DDX10: variants seen among roughly 807,000 people sequenced by gnomAD.
DDX10 encodes probable ATP-dependent RNA helicase DDX10.
Under a neutral mutation model 104.3 loss-of-function variants are expected in DDX10, and 74 were observed. That is an observed-to-expected ratio of 0.71 (90% confidence interval 0.59 to 0.86). The LOEUF is 0.86. Ranked by LOEUF, DDX10 falls within the 40% of genes least tolerant of loss-of-function variation. DDX10 has a pLI of 0.00. For synonymous variants in DDX10, 351 were observed against 353.4 expected (o/e 0.99, Z 0.08); for missense variants, 952 against 1,040.0 (o/e 0.92, Z 1.16).
At chr11:108,672,670 T>C (rs763611844) in intron 1 of DDX10, among the ~76,000 whole-genome samples, 2 of 152,250 alleles carry the variant, frequency 1.3e-5, no homozygotes, top group Non-Finnish European at 2.9e-5. Flanking sequence ...ACCATACAAA[T>C]GCAGCTTTTT....
At chr11:108,917,340 G>C (rs1297925144) in intron 16 of DDX10, among the ~76,000 whole-genome samples, 1 of 152,056 alleles carries the variant, frequency 6.6e-6, no homozygotes, top group African/African-American at 2.4e-5. Flanking sequence ...ATTTTTGGTA[G>C]TTTTGAAACT....
intron 15 of DDX10, among the ~76,000 whole-genome samples, chr11:108,850,677 G>A (rs1343415101): frequency 2.0e-5 from 3 of 152,126 alleles, no homozygotes; most frequent in African/African-American, 7.2e-5. Flanking sequence ...GAAAGAATTG[G>A]CAACATTTGT....
At chr11:108,836,167 A>G (rs1862552643) in intron 13 of DDX10, among the ~76,000 whole-genome samples, 1 of 152,208 alleles carries the variant, frequency 6.6e-6, no homozygotes, top group Non-Finnish European at 1.5e-5. Flanking sequence ...CTCAGAGGCA[A>G]TTAATCTTTT....
chr11:108,799,043 C>T (rs1861983304), intron 13 of DDX10, among the ~76,000 whole-genome samples: 1 of 152,034 alleles, frequency 6.6e-6, no homozygotes, highest in South Asian at 2.1e-4. Flanking sequence ...AGTTCAGGCT[C>T]TAATTTGGAT....
chr11:108,845,675 C>G (rs963001612), intron 15 of DDX10, among the ~76,000 whole-genome samples: 1 of 152,044 alleles, frequency 6.6e-6, no homozygotes, highest in Non-Finnish European at 1.5e-5. Context: ...AAAAAAACTT[C>G]GTAAAACCTA....
intron 13 of DDX10, among the ~76,000 whole-genome samples, chr11:108,806,348 G>GT (rs1387667437): frequency 6.6e-6 from 1 of 152,198 alleles, no homozygotes; most frequent in African/African-American, 2.4e-5. Flanking sequence ...TTAGAAGTAT[G>GT]TTTGATACTG....
chr11:108,839,113 C>T (rs1304773221), intron 14 of DDX10, among the ~76,000 whole-genome samples: 5 of 152,168 alleles, frequency 3.3e-5, no homozygotes, highest in African/African-American at 1.2e-4. Context: ...TTACCACTCA[C>T]AGGTTACTCA....
At chr11:108,759,026 TG>T (rs1161271223) in intron 13 of DDX10, among the ~76,000 whole-genome samples, 4 of 152,172 alleles carry the variant, frequency 2.6e-5, no homozygotes, top group Non-Finnish European at 5.9e-5. Context: ...TGTTAGCTTT[TG>T]TATCTATGCT....
intron 13 of DDX10, among the ~76,000 whole-genome samples, chr11:108,828,689 A>G (rs1490971716): frequency 2.0e-5 from 3 of 152,240 alleles, no homozygotes; most frequent in Non-Finnish European, 2.9e-5. Flanking sequence ...CAGTGGCACA[A>G]TCCTGGCTCA....
chr11:108,695,768 T>TG (rs1225021039), intron 9 of DDX10, among the ~76,000 whole-genome samples: 7 of 151,928 alleles, frequency 4.6e-5, no homozygotes, highest in Non-Finnish European at 7.4e-5. Context: ...GTGTTTTTTT[T>TG]TTTTGTTTTT....
chr11:108,783,641 T>A (rs2134541631), intron 13 of DDX10, among the ~76,000 whole-genome samples: 1 of 152,292 alleles, frequency 6.6e-6, no homozygotes, highest in East Asian at 1.9e-4. Flanking sequence ...ATGAGCTTTT[T>A]AATAGCAATC....
intron 16 of DDX10, among the ~76,000 whole-genome samples, chr11:108,897,676 T>A (rs1449410510): frequency 6.6e-6 from 1 of 151,824 alleles, no homozygotes; most frequent in African/African-American, 2.4e-5. Flanking sequence ...TTGTTTTAAA[T>A]CTGATTTCTG....
At chr11:108,885,877 A>G (rs1007251399) in intron 16 of DDX10, among the ~76,000 whole-genome samples, 1 of 152,240 alleles carries the variant, frequency 6.6e-6, no homozygotes. Flanking sequence ...TAATCAGGCA[A>G]TTCAGCTAAG....
intron 10 of DDX10, among the ~76,000 whole-genome samples, chr11:108,707,762 AAT>A (rs532279807): frequency 1.3e-5 from 2 of 152,230 alleles, no homozygotes; most frequent in Non-Finnish European, 2.9e-5. Context: ...CCTTAATAAA[AAT>A]ATGTTAAACC....
At chr11:108,802,617 T>C (rs1005262274) in intron 13 of DDX10, among the ~76,000 whole-genome samples, 1 of 152,194 alleles carries the variant, frequency 6.6e-6, no homozygotes, top group Non-Finnish European at 1.5e-5. Flanking sequence ...CTGAAACTTT[T>C]TTCTCTGAGA....
At chr11:108,901,487 C>T (rs1028265183) in intron 16 of DDX10, among the ~76,000 whole-genome samples, 12 of 152,238 alleles carry the variant, frequency 7.9e-5, no homozygotes, top group African/African-American at 2.6e-4. Flanking sequence ...ATATATGAGC[C>T]TACGTACGTC....
intron 10 of DDX10, among the ~76,000 whole-genome samples, chr11:108,710,592 C>G (rs2094283034): frequency 6.6e-6 from 1 of 152,054 alleles, no homozygotes; most frequent in African/African-American, 2.4e-5. Context: ...ATAACAATGC[C>G]TCCTTCTTTA....
intron 17 of DDX10, among the ~76,000 whole-genome samples, chr11:108,929,971 A>G (rs1863956368): frequency 1.3e-5 from 2 of 152,124 alleles, no homozygotes; most frequent in Non-Finnish European, 2.9e-5. Context: ...TAGTGTGGTA[A>G]ATTTGTTACA....
At chr11:108,838,686 T>G in intron 14 of DDX10, 121 bp downstream of exon 14, 4 of 1,086,614 alleles carry the variant, frequency 3.7e-6, no homozygotes, top group South Asian at 1.9e-5. Flanking sequence ...TGCTGGGCCA[T>G]TCCTTTCACT....
Sources: gnomAD v4.1 joint callset for allele counts (sites outside exome capture counted in the v4.1 genomes callset) on GRCh38, gnomAD v4.1.1 for gene constraint, MANE v1.5 for transcripts, NCBI Gene and HGNC (gene_info 2026-07-23, HGNC 2026-07-21) for gene names.